The following SDCBP variants were observed in gnomAD, a reference collection of about 807,000 sequenced individuals.
SDCBP encodes syndecan binding protein.
In SDCBP, 22 loss-of-function variants were observed where a neutral mutation model predicts 30.5. The ratio of observed to expected loss-of-function variants is 0.72; its 90% CI spans 0.52 to 1.03. SDCBP has a LOEUF of 1.03. Among genes scored for constraint, SDCBP ranks in the 50% least tolerant of loss-of-function variants. SDCBP has a pLI of 0.00. For synonymous variants in SDCBP, 103 were observed against 118.7 expected (o/e 0.87, Z 0.86); for missense variants, 304 against 369.9 (o/e 0.82, Z 1.46).
At chr8:58,578,961 G>T (rs1805508621) in intron 6 of SDCBP, among the ~76,000 whole-genome samples, 1 of 152,188 alleles carries the variant, frequency 6.6e-6, no homozygotes, top group Admixed American at 6.5e-5. Context: ...ATTTAATAAT[G>T]TAAACACAAG....
intron 2 of SDCBP, among the ~76,000 whole-genome samples, chr8:58,566,304 G>A (rs1330110953): frequency 6.6e-6 from 1 of 152,174 alleles, no homozygotes; most frequent in Non-Finnish European, 1.5e-5. Flanking sequence ...AGATGGACCT[G>A]TAAGAATGAC....
At position 58,578,180 on chromosome 8, in the gene SDCBP, G is replaced by A; in HGVS notation, c.550G>A (p.Glu184Lys). ...AHKVLKQAFG[E>K]KITMTIRDRP... Reference sequence around the variant, plus strand: ...CAAGGTGCTCAAACAGGCTTTTGGAGAGAAGATTACCATGACCATTCGTGA... The same window carrying A: ...CAAGGTGCTCAAACAGGCTTTTGGAAAGAAGATTACCATGACCATTCGTGA... The change falls in exon 6 of 9, where the codon GAG becomes AAG. Residue 184 changes from glutamate to lysine, a missense_variant. Coordinates refer to ENST00000260130, the MANE Select transcript of SDCBP (RefSeq NM_005625.4). 1 of 1,589,610 alleles carries A rather than the reference G, an allele frequency of 6.3e-7. No individual in the cohort carries two copies.
At chr8:58,581,038 G>A (rs552720156) in intron 8 of SDCBP, among the ~76,000 whole-genome samples, 21 of 152,286 alleles carry the variant, frequency 1.4e-4, no homozygotes, top group African/African-American at 5.1e-4. Context: ...AGATAGACAA[G>A]TGTGGTGTGT....
chr8:58,560,025 A>T (rs895034897), intron 1 of SDCBP, among the ~76,000 whole-genome samples: 1 of 152,216 alleles, frequency 6.6e-6, no homozygotes, highest in South Asian at 2.1e-4. Flanking sequence ...TTGCTTGAAT[A>T]TAAGTTCTGA....
At chr8:58,559,995 C>T (rs1334905556) in intron 1 of SDCBP, among the ~76,000 whole-genome samples, 1 of 152,116 alleles carries the variant, frequency 6.6e-6, no homozygotes, top group East Asian at 1.9e-4. Flanking sequence ...AGAGGTCTGC[C>T]CAAGGGTCTG....
Position 58,559,163 on chromosome 8 carries a change from G to A in SDCBP, c.-15-5856G>A, listed in dbSNP as rs1022617264. Among the ~76,000 whole-genome samples the A allele has an allele frequency of 5.3e-5, 8 of 152,190 alleles. 1 individual carries two copies. In the South Asian group the frequency reaches 1.4e-3, roughly 28 times the overall value. On this transcript the variant is annotated intron_variant, in intron 1 of 8. Coordinates refer to ENST00000260130, the MANE Select transcript of SDCBP (RefSeq NM_005625.4). Reference sequence around the variant, plus strand: ...CTCAAGAGTTGTTCAGACAACTTCAGTTAATATTTATTTGAAGAGAAACTT... The same window carrying A: ...CTCAAGAGTTGTTCAGACAACTTCAATTAATATTTATTTGAAGAGAAACTT...
intron 2 of SDCBP, among the ~76,000 whole-genome samples, chr8:58,566,306 A>G (rs1400821326): frequency 1.3e-5 from 2 of 152,218 alleles, no homozygotes; most frequent in Non-Finnish European, 1.5e-5. Context: ...ATGGACCTGT[A>G]AGAATGACTA....
intron 1 of SDCBP, among the ~76,000 whole-genome samples, chr8:58,553,631 C>T (rs939315853): frequency 1.3e-5 from 2 of 152,200 alleles, no homozygotes; most frequent in African/African-American, 4.8e-5. Context: ...GCCTTCAGCC[C>T]CCGCCCCAGC....
chr8:58,575,776 G>A lies in SDCBP; in HGVS notation c.241-124G>A, dbSNP rs113031047. ...ATTTTCATAGACATCAAACTTTATCGGAAGGAAATTATTTGTGGATTGCTT... is the reference window on the plus strand; with the variant it reads ...ATTTTCATAGACATCAAACTTTATCAGAAGGAAATTATTTGTGGATTGCTT... On this transcript the variant is annotated intron_variant, in intron 4 of 8. Coordinates refer to ENST00000260130, the MANE Select transcript of SDCBP (RefSeq NM_005625.4). 3,376 of 750,988 alleles carry A rather than the reference G, an allele frequency of 4.5e-3. 90 individuals carry two copies. The African/African-American group carries it at 0.052, about 12-fold the overall frequency. 46.5% of individuals were successfully genotyped at this position (750,988 alleles called of 1,614,324 possible).
chr8:58,579,779 T>C lies in SDCBP; in HGVS notation c.735T>C (p.Asn245=), dbSNP rs1805579197. ...ACATCTGTGAAATCAATGGACAGAA[T>C]GTCATTGGATTGAAGGTAAGGAACA... ...EHNICEINGQ[N]VIGLKDSQIA... The change falls in exon 7 of 9, where the codon AAT becomes AAC. Residue 245 remains asparagine (N), a synonymous_variant. Transcript: ENST00000260130. 6.2e-7 allele frequency: 1 copy of C among 1,609,232 alleles called. No individual in the cohort carries two copies. The highest frequency in any genetic ancestry group is 1.3e-5 in the African/African-American group (1 of 74,826).
At chr8:58,578,381 C>T in intron 6 of SDCBP, 173 bp downstream of exon 6, 1 of 468,352 alleles carries the variant, frequency 2.1e-6, no homozygotes, top group Non-Finnish European at 3.7e-6. Flanking sequence ...GTTTTTAAAG[C>T]ATTCTGATAC....
intron 8 of SDCBP, among the ~76,000 whole-genome samples, chr8:58,581,234 A>G (rs78010967): frequency 0.024 from 3,690 of 152,330 alleles, 146 homozygotes; most frequent in African/African-American, 0.084. Flanking sequence ...TAAAAGATTC[A>G]TAAACATAAC....
intron 7 of SDCBP, 197 bp downstream of exon 7, chr8:58,579,991 G>C (rs1028013935): frequency 2.2e-6 from 1 of 449,348 alleles, no homozygotes; most frequent in Non-Finnish European, 3.9e-6. Flanking sequence ...AAGTGGGCTG[G>C]AATAAATGAT....
chr8:58,572,998 G>A (rs960361784), intron 4 of SDCBP, among the ~76,000 whole-genome samples: 2 of 151,552 alleles, frequency 1.3e-5, no homozygotes, highest in African/African-American at 2.4e-5. Flanking sequence ...AGTAGAGACC[G>A]GGTTTCACCA....
At position 58,578,168 on chromosome 8, in the gene SDCBP, C is replaced by T. The variant is rs1182205215; in HGVS notation, c.538C>T (p.Gln180Ter). 2.5e-6 allele frequency: 4 copies of T among 1,601,172 alleles called. No individual in the cohort carries two copies. The highest frequency in any genetic ancestry group is 3.4e-6 in the Non-Finnish European group (4 of 1,175,076). Residue 180 changes from glutamine to a stop codon, truncating the protein, a stop_gained, in exon 6 of 9, where the codon CAG (glutamine) becomes TAG (stop). Transcript: ENST00000260130. LOFTEE classifies it high-confidence loss of function. ...SSDKAHKVLK[Q>*]AFGEKITMTI... ...TGATAAAGCGCACAAGGTGCTCAAA[C>T]AGGCTTTTGGAGAGAAGATTACCAT...
Position 58,575,937 on chromosome 8 carries a change from T to G in SDCBP, c.278T>G (p.Val93Gly), listed in dbSNP as rs1164419392. 6.2e-7 allele frequency: 1 copy of G among 1,613,606 alleles called. No individual in the cohort carries two copies. The highest frequency in any genetic ancestry group is 1.7e-5 in the Admixed American group (1 of 60,020). Residue 93 changes from valine (V) to glycine (G), a missense_variant, in exon 5 of 9, where the codon GTG becomes GGG. Physicochemically the swap from Val to Gly is moderately radical, Grantham distance 109. Transcript: ENST00000260130. ...AGACCTTCCAGTATAAACTATATGG[T>G]GGCTCCTGTAACTGGTAATGATGTT... Reference protein sequence around the residue: ...VARPSSINYMVAPVTGNDVGI... With the variant: ...VARPSSINYMGAPVTGNDVGI...
rs985066646 is a variant in SDCBP, at chr8:58,578,071, C to A, written c.441C>A (p.Ala147=). Residue 147 remains alanine (A), a synonymous_variant, in exon 6 of 9, where the codon GCC becomes GCA. Coordinates refer to ENST00000260130, the MANE Select transcript of SDCBP (RefSeq NM_005625.4). ...AGCTAGTCCAGGCTAATTCTCCAGC[C>A]TCATTGGTTGGTCTGAGATTTGGGG... ...FVQLVQANSP[A]SLVGLRFGDQ... 1 of 1,613,696 alleles carries A rather than the reference C, an allele frequency of 6.2e-7. No homozygotes were observed. Among genetic ancestry groups the A allele is most frequent in the Non-Finnish European group, 8.5e-7 (1 of 1,179,820 alleles).
At chr8:58,565,450 C>T (rs1804656801) in intron 2 of SDCBP, among the ~76,000 whole-genome samples, 1 of 152,004 alleles carries the variant, frequency 6.6e-6, no homozygotes, top group Admixed American at 6.6e-5. Flanking sequence ...GGTATGACCA[C>T]TCTTTAATTC....
chr8:58,560,452 A>G (rs1804376873), intron 1 of SDCBP: 1 of 151,946 alleles, frequency 6.6e-6, no homozygotes, highest in Admixed American at 6.6e-5. Flanking sequence ...TCAGAGAGCT[A>G]CCCCCAAGGG....
Sources: allele counts gnomAD v4.1 joint callset (sites outside exome capture counted in the v4.1 genomes callset), GRCh38; gene constraint gnomAD v4.1.1; transcripts MANE v1.5; gene names NCBI Gene and HGNC (gene_info 2026-07-23, HGNC 2026-07-21).